Variants in WDR25 observed in about 807,000 individuals in gnomAD.
The protein encoded by WDR25 is WD repeat domain 25, also known as WD repeat-containing protein 25.
In WDR25, 35 loss-of-function variants were observed where a neutral mutation model predicts 47.7. The ratio of observed to expected loss-of-function variants is 0.73; its 90% CI spans 0.56 to 0.97. The LOEUF is 0.97. WDR25 is among the 50% of genes least tolerant of loss of function. WDR25 has a pLI of 0.00. For missense variants in WDR25, 634 were observed against 704.7 expected, an observed-to-expected ratio of 0.90 and a Z score of 1.14; for synonymous variants, 248 against 278.9, an observed-to-expected ratio of 0.89 and a Z score of 1.10.
Position 100,440,803 on chromosome 14 carries a change from T to C in WDR25, c.823-27218T>C, listed in dbSNP as rs1898647042. 6.6e-6 allele frequency among the ~76,000 whole-genome samples: 1 copy of C among 152,198 alleles called. No homozygotes were observed. The highest frequency in any genetic ancestry group is 1.9e-4 in the East Asian group (1 of 5,204). On this transcript the variant is annotated intron_variant, in intron 2 of 6. Coordinates refer to ENST00000402312, the MANE Select transcript of WDR25 (RefSeq NM_001161476.3). The surrounding 1 kb of genome is among the most constrained non-coding windows in gnomAD (Gnocchi z 4.4). The stretch of plus-strand genomic sequence containing the variant: ...GGGGGAGGTAACCACCTCGATAAAT[T>C]CGTCAGCGAGGCAGCTGGAGGGATG...
At chr14:100,522,907 T>C (rs1301869331) in intron 4 of WDR25, among the ~76,000 whole-genome samples, 2 of 152,162 alleles carry the variant, frequency 1.3e-5, no homozygotes, top group Non-Finnish European at 2.9e-5. Flanking sequence ...AGTCCTGCTG[T>C]GCTCCCACCT....
intron 4 of WDR25, chr14:100,504,501 C>T (rs772671897): frequency 3.3e-5 from 5 of 152,228 alleles, no homozygotes; most frequent in Admixed American, 6.5e-5. Flanking sequence ...AAGCAGGTCA[C>T]TGGGGGAGCT....
chr14:100,480,213 G>A (rs994417021), intron 3 of WDR25, among the ~76,000 whole-genome samples: 5 of 152,162 alleles, frequency 3.3e-5, no homozygotes, highest in African/African-American at 1.2e-4. Flanking sequence ...AGGCTGGACC[G>A]TTAGGGTGTT....
In WDR25 at chr14:100,525,213, T is replaced by C. The variant is rs73351062; in HGVS notation, c.1102-657T>C. On this transcript the variant is annotated intron_variant, in intron 4 of 6. Transcript: ENST00000402312. This position sits in a 1 kb window ranked among gnomAD's most constrained non-coding sequence, Gnocchi z 4.6. The stretch of plus-strand genomic sequence containing the variant: ...GGTACTGGGACCCTTCTCCATCCCC[T>C]CACCAGAGCTGGATACTTGAGAGCA... 0.11 allele frequency among the ~76,000 whole-genome samples: 16,357 copies of C among 152,200 alleles called. 2,912 individuals are homozygous for C. The highest frequency in any genetic ancestry group is 0.37 in the African/African-American group (15,370 of 41,472).
At chr14:100,376,769 AT>A (rs1896693384) in intron 1 of WDR25, 2 of 1,226,104 alleles carry the variant, frequency 1.6e-6, no homozygotes, top group East Asian at 6.3e-5. Flanking sequence ...TTTGTGTTTG[AT>A]TTCCACCCAC....
intron 2 of WDR25, among the ~76,000 whole-genome samples, chr14:100,402,571 G>A (rs866409938): frequency 1.3e-5 from 2 of 152,208 alleles, no homozygotes; most frequent in South Asian, 2.1e-4. Context: ...CTGAGCCCTC[G>A]GCAGGCCAGG....
In WDR25 at chr14:100,529,258, C is replaced by T; in HGVS notation, c.1413+50C>T. On this transcript the variant is annotated intron_variant, in intron 6 of 6. Transcript: ENST00000402312. This position sits in a 1 kb window ranked among gnomAD's most constrained non-coding sequence, Gnocchi z 5.1. ...CGAATGCTGAGCCCCAGCCCCAAGC[C>T]TCCTGGCAGTCCTGGACATGGGCCC... is the stretch of plus-strand genomic sequence containing the variant. The T allele has an allele frequency of 6.2e-7, 1 of 1,609,426 alleles. No individual in the cohort carries two copies. Among genetic ancestry groups the T allele is most frequent in the South Asian group, 1.1e-5 (1 of 91,022 alleles).
At chr14:100,378,641 A>G (rs548630577) in intron 1 of WDR25, among the ~76,000 whole-genome samples, 2 of 152,126 alleles carry the variant, frequency 1.3e-5, no homozygotes, top group East Asian at 3.9e-4. Flanking sequence ...TGGCTGCTAC[A>G]GAGATGGGAT....
At chr14:100,411,593 A>G (rs1018287741) in intron 2 of WDR25, among the ~76,000 whole-genome samples, 84 of 150,774 alleles carry the variant, frequency 5.6e-4, no homozygotes, top group African/African-American at 2.0e-3. Context: ...CTGGAGTGCA[A>G]TGGTGCAGTC....
chr14:100,514,643 C>T (rs1275010107), intron 4 of WDR25, among the ~76,000 whole-genome samples: 2 of 152,042 alleles, frequency 1.3e-5, no homozygotes, highest in Admixed American at 1.3e-4. Context: ...AGTTTCTCCC[C>T]TCAGGGTCTT....
At chr14:100,496,878 T>C (rs538054280) in intron 4 of WDR25, among the ~76,000 whole-genome samples, 1 of 127,426 alleles carries the variant, frequency 7.8e-6, no homozygotes, top group Non-Finnish European at 1.6e-5. Flanking sequence ...CTCTGTCCCT[T>C]AGGCTGGAGT....
At chr14:100,435,046 G>C (rs2140237538) in intron 2 of WDR25, among the ~76,000 whole-genome samples, 1 of 152,274 alleles carries the variant, frequency 6.6e-6, no homozygotes, top group South Asian at 2.1e-4. Flanking sequence ...GCGTCTAGGT[G>C]CTAATGACAG....
At chr14:100,519,767 GTATA>G (rs578120503) in intron 4 of WDR25, among the ~76,000 whole-genome samples, 3 of 131,896 alleles carry the variant, frequency 2.3e-5, no homozygotes, top group Non-Finnish European at 3.1e-5. Flanking sequence ...TGTATATATA[GTATA>G]TATATAGTAT....
Position 100,525,316 on chromosome 14 carries a change from A to T in WDR25, c.1102-554A>T, listed in dbSNP as rs1043910899. On this transcript the variant is annotated intron_variant, in intron 4 of 6. Coordinates refer to ENST00000402312, the MANE Select transcript of WDR25 (RefSeq NM_001161476.3). This position sits in a 1 kb window ranked among gnomAD's most constrained non-coding sequence, Gnocchi z 4.6. ...TAATAAAGTCAGTTTATGAGACAGC[A>T]GACTGTGAAGTATCGGTGATGATGC... Among the ~76,000 whole-genome samples, 3 of 152,264 alleles carry T rather than the reference A, an allele frequency of 2.0e-5. No individual in the cohort carries two copies. Among genetic ancestry groups the T allele is most frequent in the Admixed American group, 2.0e-4 (3 of 15,288 alleles).
Position 100,498,828 on chromosome 14 carries a change from C to T in WDR25, c.1101+14704C>T, listed in dbSNP as rs937860135. 1.3e-5 allele frequency among the ~76,000 whole-genome samples: 2 copies of T among 152,242 alleles called. No homozygotes were observed. The highest frequency in any genetic ancestry group is 2.9e-5 in the Non-Finnish European group (2 of 68,050). Reference sequence around the variant, plus strand: ...GAATGGTTTCTACTCGAAGGGGTATCTTTCTCTAATAGGAACCAAGGTGCC... The same window carrying T: ...GAATGGTTTCTACTCGAAGGGGTATTTTTCTCTAATAGGAACCAAGGTGCC... On this transcript the variant is annotated intron_variant, in intron 4 of 6. Coordinates refer to ENST00000402312, the MANE Select transcript of WDR25 (RefSeq NM_001161476.3). The surrounding 1 kb of genome is among the most constrained non-coding windows in gnomAD (Gnocchi z 4.2).
chr14:100,464,310 C>T (rs139318725), intron 2 of WDR25, among the ~76,000 whole-genome samples: 88 of 152,336 alleles, frequency 5.8e-4, no homozygotes, highest in African/African-American at 1.6e-3. Context: ...TCCTCCCTGG[C>T]CACCATTTCA....
At chr14:100,473,710 C>T (rs1334482010) in intron 3 of WDR25, among the ~76,000 whole-genome samples, 1 of 152,204 alleles carries the variant, frequency 6.6e-6, no homozygotes, top group African/African-American at 2.4e-5. Flanking sequence ...GCCCCAAGAG[C>T]TCCTGGGCTT....
chr14:100,390,167 A>C (rs1166802236), intron 2 of WDR25, among the ~76,000 whole-genome samples: 2 of 151,986 alleles, frequency 1.3e-5, no homozygotes. Context: ...TATTTTCTGA[A>C]TGTTCCTTTT....
At chr14:100,471,952 G>A (rs920482792) in intron 3 of WDR25, among the ~76,000 whole-genome samples, 2 of 152,172 alleles carry the variant, frequency 1.3e-5, no homozygotes, top group Non-Finnish European at 2.9e-5. Context: ...CTCAGGGAAC[G>A]CTGGCCGACT....
Sources: gnomAD v4.1 joint callset for allele counts (sites outside exome capture counted in the v4.1 genomes callset) on GRCh38, gnomAD v4.1.1 for gene constraint, Gnocchi (gnomAD v3.1) non-coding constraint, MANE v1.5 for transcripts, NCBI Gene and HGNC (gene_info 2026-07-23, HGNC 2026-07-21) for gene names.